The following PTPRD variants were observed in gnomAD, a reference collection of about 807,000 sequenced individuals.
The protein encoded by PTPRD is receptor-type tyrosine-protein phosphatase delta.
A neutral mutation model predicts 214.5 loss-of-function variants in PTPRD; 34 were observed. The ratio of observed to expected loss-of-function variants is 0.16; its 90% CI spans 0.12 to 0.21. The LOEUF is 0.21. PTPRD is among the 10% of genes least tolerant of loss of function. The pLI, the probability that PTPRD is intolerant of heterozygous loss-of-function variation, is 1.00. For synonymous variants in PTPRD, 1,128 were observed against 845.7 expected, an observed-to-expected ratio of 1.33 and a Z score of -5.79; for missense variants, 2,545 against 2,398.7, an observed-to-expected ratio of 1.06 and a Z score of -1.27.
intron 3 of PTPRD, among the ~76,000 whole-genome samples, chr9:10,328,174 G>C (rs984077862): frequency 2.6e-5 from 4 of 151,632 alleles, no homozygotes; most frequent in African/African-American, 2.4e-5. Flanking sequence ...CTTTTTATCA[G>C]TGATTTAAAT....
rs1458744053 is a variant in PTPRD at position 9,212,209 on chromosome 9, G to A, written c.-202-28846C>T. ...ATGTTCTTAGGTAATGTTTTTCATT[G>A]TTTAAAATATTCTATTAGCACATTT... On this transcript the variant is annotated intron_variant, in intron 9 of 45. Transcript: ENST00000381196. Among the ~76,000 whole-genome samples, 9 of 151,922 alleles carry A rather than the reference G, an allele frequency of 5.9e-5. No homozygotes were observed. The South Asian group carries it at 6.2e-4, about 10-fold the overall frequency.
intron 10 of PTPRD, among the ~76,000 whole-genome samples, chr9:9,167,473 G>GT (rs1331529384): frequency 6.6e-6 from 1 of 151,848 alleles, no homozygotes; most frequent in Admixed American, 6.6e-5. Flanking sequence ...AAATAAGGAG[G>GT]GCTGGGCATG....
intron 30 of PTPRD, among the ~76,000 whole-genome samples, chr9:8,481,109 C>A (rs1010112036): frequency 7.3e-6 from 1 of 136,660 alleles, no homozygotes; most frequent in Non-Finnish European, 1.5e-5. Flanking sequence ...CACTGCACGC[C>A]GGCCTGGGCA....
At chr9:10,581,463 T>C (rs1033147859) in intron 2 of PTPRD, among the ~76,000 whole-genome samples, 2 of 152,182 alleles carry the variant, frequency 1.3e-5, no homozygotes, top group Non-Finnish European at 2.9e-5. Flanking sequence ...ATGAATGTCA[T>C]GGTAGGGGCA....
intron 11 of PTPRD, chr9:8,962,083 C>A (rs939420900): frequency 6.6e-6 from 1 of 152,056 alleles, no homozygotes; most frequent in Non-Finnish European, 1.5e-5. Flanking sequence ...GTAAAAAGAG[C>A]CATTTCTTCT....
chr9:10,377,427 C>T (rs1055252415), intron 2 of PTPRD, among the ~76,000 whole-genome samples: 2 of 151,922 alleles, frequency 1.3e-5, no homozygotes, highest in East Asian at 1.9e-4. Context: ...TCTCCTAATG[C>T]TATCCCTCCC....
chr9:8,695,276 T>G (rs1176002663), intron 12 of PTPRD, among the ~76,000 whole-genome samples: 3 of 152,170 alleles, frequency 2.0e-5, no homozygotes, highest in African/African-American at 7.2e-5. Context: ...CTCTAAATTT[T>G]CATTCACCAG....
chr9:8,908,295 A>C (rs550105027), intron 11 of PTPRD, among the ~76,000 whole-genome samples: 1 of 152,340 alleles, frequency 6.6e-6, no homozygotes, highest in Admixed American at 6.5e-5. Flanking sequence ...GAAACACTAA[A>C]GGAATTTCAT....
At chr9:9,558,886 C>A (rs2082182859) in intron 8 of PTPRD, among the ~76,000 whole-genome samples, 9 of 152,154 alleles carry the variant, frequency 5.9e-5, no homozygotes, top group Admixed American at 5.9e-4. Context: ...GGCCCCATGA[C>A]CTTAGGCCCC....
intron 7 of PTPRD, among the ~76,000 whole-genome samples, chr9:9,611,679 T>C (rs914462484): frequency 6.6e-6 from 1 of 152,096 alleles, no homozygotes; most frequent in African/African-American, 2.4e-5. Context: ...TGTACAATCA[T>C]TGACATATGT....
At chr9:10,087,611 T>C (rs912294116) in intron 3 of PTPRD, among the ~76,000 whole-genome samples, 7 of 151,684 alleles carry the variant, frequency 4.6e-5, no homozygotes, top group African/African-American at 1.4e-4. Flanking sequence ...CGGAGTGCTA[T>C]GAGAACTCTC....
At chr9:9,783,987 C>A (rs1460697257) in intron 5 of PTPRD, among the ~76,000 whole-genome samples, 2 of 151,966 alleles carry the variant, frequency 1.3e-5, no homozygotes, top group Admixed American at 6.6e-5. Context: ...GGAAAAAATT[C>A]TTGGTGAGTC....
At chr9:9,945,562 G>A (rs1233309944) in intron 4 of PTPRD, among the ~76,000 whole-genome samples, 1 of 152,176 alleles carries the variant, frequency 6.6e-6, no homozygotes, top group African/African-American at 2.4e-5. Context: ...CAAGGTGGCA[G>A]TTAAGTAATG....
chr9:10,122,825 C>A (rs1300389484), intron 3 of PTPRD, among the ~76,000 whole-genome samples: 2 of 152,206 alleles, frequency 1.3e-5, no homozygotes, highest in African/African-American at 4.8e-5. Context: ...CATCACCTGG[C>A]AGCTGACTAA....
At chr9:8,644,380 T>A (rs907415784) in intron 12 of PTPRD, among the ~76,000 whole-genome samples, 1 of 152,118 alleles carries the variant, frequency 6.6e-6, no homozygotes, top group Non-Finnish European at 1.5e-5. Flanking sequence ...CTTCTTCGTC[T>A]TGCTCATCCT....
intron 11 of PTPRD, among the ~76,000 whole-genome samples, chr9:8,739,751 G>C (rs190111497): frequency 6.7e-4 from 102 of 152,268 alleles, no homozygotes; most frequent in African/African-American, 2.4e-3. Context: ...ATCTCATCTT[G>C]AATTCTCATG....
chr9:9,919,165 T>C (rs1000662686), intron 5 of PTPRD, among the ~76,000 whole-genome samples: 1 of 152,038 alleles, frequency 6.6e-6, no homozygotes, highest in African/African-American at 2.4e-5. Flanking sequence ...TTTTAGGGTG[T>C]TTTTGCTCCT....
rs904556819 is a variant in PTPRD, at chr9:10,517,545, A to C, written c.-600+94853T>G. ...ATAGATTATTACTAGTTTTCAGATTAGGAGAAGAGAACAAACTATTTTGTC... is the reference window on the plus strand; with the variant it reads ...ATAGATTATTACTAGTTTTCAGATTCGGAGAAGAGAACAAACTATTTTGTC... On this transcript the variant is annotated intron_variant, in intron 2 of 45. Coordinates refer to ENST00000381196, the MANE Select transcript of PTPRD (RefSeq NM_002839.4). 3.9e-5 allele frequency among the ~76,000 whole-genome samples: 6 copies of C among 152,178 alleles called. No individual in the cohort carries two copies. The East Asian group carries it at 1.2e-3, about 29-fold the overall frequency.
intron 3 of PTPRD, among the ~76,000 whole-genome samples, chr9:10,321,842 G>A (rs772823290): frequency 3.9e-5 from 6 of 151,936 alleles, no homozygotes; most frequent in Non-Finnish European, 8.8e-5. Flanking sequence ...AATATCATGG[G>A]TAAATGTTTC....
Sources: gnomAD v4.1 joint callset for allele counts (sites outside exome capture counted in the v4.1 genomes callset) on GRCh38, gnomAD v4.1.1 for gene constraint, MANE v1.5 for transcripts, NCBI Gene and HGNC (gene_info 2026-07-23, HGNC 2026-07-21) for gene names.